The following AXDND1 variants were observed in gnomAD, a reference collection of about 807,000 sequenced individuals.
The protein encoded by AXDND1 is axonemal dynein light chain domain containing 1, also known as axonemal dynein light chain domain-containing protein 1.
AXDND1 carries 110 observed loss-of-function variants against 137.5 expected under a neutral mutation model. The observed-to-expected ratio is 0.80, with a 90% CI of 0.69 to 0.94. The LOEUF (loss-of-function observed/expected upper bound fraction) is 0.94, where lower values mean the gene tolerates loss of function less well. AXDND1 is among the 40% of genes least tolerant of loss of function. The pLI, the probability that AXDND1 is intolerant of heterozygous loss-of-function variation, is 0.00. For synonymous variants in AXDND1, 414 were observed against 399.7 expected (o/e 1.04, Z -0.43); for missense variants, 1,191 against 1,169.8 (o/e 1.02, Z -0.26).
chr1:179,475,330 C>A (rs6658883), intron 17 of AXDND1, among the ~76,000 whole-genome samples: 20 of 152,106 alleles, frequency 1.3e-4, no homozygotes, highest in Admixed American at 9.8e-4. Context: ...TTGGAAAAGC[C>A]ACAGACATTC....
At chr1:179,442,885 A>G (rs1314055896) in intron 15 of AXDND1, among the ~76,000 whole-genome samples, 1 of 152,190 alleles carries the variant, frequency 6.6e-6, no homozygotes, top group African/African-American at 2.4e-5. Context: ...AAGAGACAAA[A>G]GAGTATATTT....
chr1:179,437,655 A>C (rs973148042), intron 15 of AXDND1, among the ~76,000 whole-genome samples: 1 of 147,194 alleles, frequency 6.8e-6, no homozygotes, highest in African/African-American at 2.5e-5. Flanking sequence ...GGTCCATCCG[A>C]TTTTACAGAC....
intron 3 of AXDND1, 68 bp downstream of exon 3, chr1:179,369,040 T>G: frequency 7.1e-7 from 1 of 1,405,664 alleles, no homozygotes; most frequent in Non-Finnish European, 9.8e-7. Context: ...TCTTTAAGTA[T>G]TTATTATGCA....
intron 20 of AXDND1, among the ~76,000 whole-genome samples, chr1:179,502,620 A>G (rs1048313435): frequency 3.3e-5 from 5 of 151,830 alleles, no homozygotes; most frequent in African/African-American, 1.2e-4. Flanking sequence ...AGTGTTAACA[A>G]GAATGAGGGA....
chr1:179,489,772 G>A (rs1666638706), intron 18 of AXDND1, among the ~76,000 whole-genome samples: 1 of 128,132 alleles, frequency 7.8e-6, no homozygotes, highest in African/African-American at 3.0e-5. Flanking sequence ...TTGAGACGGA[G>A]TCTCGCTCTG....
chr1:179,381,500 T>C (rs1026071829), intron 6 of AXDND1, among the ~76,000 whole-genome samples: 5 of 150,264 alleles, frequency 3.3e-5, no homozygotes, highest in Non-Finnish European at 1.5e-5. Flanking sequence ...CCTGCCACCA[T>C]GCCCAGCTAA....
chr1:179,531,838 A>G (rs980061326), intron 23 of AXDND1, among the ~76,000 whole-genome samples: 1 of 152,188 alleles, frequency 6.6e-6, no homozygotes, highest in African/African-American at 2.4e-5. Context: ...ACGGAGACTA[A>G]CTGGAAGCTA....
chr1:179,526,509 G>A (rs1002452431), intron 22 of AXDND1, among the ~76,000 whole-genome samples: 2 of 152,128 alleles, frequency 1.3e-5, no homozygotes, highest in Admixed American at 1.3e-4. Context: ...TTCTTAGATT[G>A]ACTACTACTG....
At chr1:179,529,595 A>G (rs1670866801) in intron 23 of AXDND1, among the ~76,000 whole-genome samples, 1 of 152,216 alleles carries the variant, frequency 6.6e-6, no homozygotes, top group African/African-American at 2.4e-5. Flanking sequence ...GAGAAAAGGA[A>G]GAAGCTTGGC....
intron 20 of AXDND1, among the ~76,000 whole-genome samples, chr1:179,502,736 A>G (rs889137890): frequency 2.0e-5 from 3 of 151,890 alleles, no homozygotes; most frequent in Non-Finnish European, 4.4e-5. Flanking sequence ...GCAACAAACA[A>G]TTCTATTCAT....
chr1:179,516,286 C>T (rs761830765), intron 21 of AXDND1, among the ~76,000 whole-genome samples: 1 of 152,192 alleles, frequency 6.6e-6, no homozygotes, highest in South Asian at 2.1e-4. Flanking sequence ...TAAGTGTGCC[C>T]AATTTCCCTG....
chr1:179,439,223 G>A (rs981565150), intron 15 of AXDND1, among the ~76,000 whole-genome samples: 1 of 152,160 alleles, frequency 6.6e-6, no homozygotes, highest in East Asian at 1.9e-4. Flanking sequence ...TGTATAATCA[G>A]CACAATTAGG....
chr1:179,496,022 T>A (rs935572116), intron 20 of AXDND1, among the ~76,000 whole-genome samples: 3 of 151,904 alleles, frequency 2.0e-5, no homozygotes, highest in Non-Finnish European at 4.4e-5. Context: ...ATTTATTGAT[T>A]TTTAAATTGA....
At chr1:179,526,624 C>T (rs1231996379) in intron 22 of AXDND1, among the ~76,000 whole-genome samples, 1 of 152,180 alleles carries the variant, frequency 6.6e-6, no homozygotes, top group Non-Finnish European at 1.5e-5. Flanking sequence ...GTTGGCATGA[C>T]TCCAGGCTCT....
At chr1:179,515,646 C>T (rs1371395071) in intron 21 of AXDND1, among the ~76,000 whole-genome samples, 1 of 152,120 alleles carries the variant, frequency 6.6e-6, no homozygotes, top group Non-Finnish European at 1.5e-5. Flanking sequence ...AAGTTTTCCT[C>T]AATTATTCCC....
chr1:179,388,575 A>G (rs920343147), intron 9 of AXDND1, among the ~76,000 whole-genome samples: 80 of 149,810 alleles, frequency 5.3e-4, no homozygotes, highest in Middle Eastern at 3.4e-3. Flanking sequence ...TAACTCAACA[A>G]TTATATTTTT....
intron 12 of AXDND1, among the ~76,000 whole-genome samples, chr1:179,421,890 A>T (rs564826522): frequency 3.9e-5 from 6 of 151,992 alleles, no homozygotes; most frequent in African/African-American, 1.4e-4. Flanking sequence ...ATACAAAAAA[A>T]TTAGCCAGGC....
chr1:179,466,987 A>G (rs1461435443), intron 16 of AXDND1, among the ~76,000 whole-genome samples: 6 of 152,260 alleles, frequency 3.9e-5, no homozygotes, highest in South Asian at 2.1e-4. Context: ...AGGGGTCCCA[A>G]TAGTATCCTG....
chr1:179,403,549 T>A (rs180793311), intron 11 of AXDND1, among the ~76,000 whole-genome samples: 1 of 152,372 alleles, frequency 6.6e-6, no homozygotes, highest in East Asian at 1.9e-4. Flanking sequence ...AGATACAAAC[T>A]ACTCATGCAG....
Sources: allele counts gnomAD v4.1 joint callset (sites outside exome capture counted in the v4.1 genomes callset), GRCh38; gene constraint gnomAD v4.1.1; transcripts MANE v1.5; gene names NCBI Gene and HGNC (gene_info 2026-07-23, HGNC 2026-07-21).